RAD51B: variants seen among roughly 807,000 people sequenced by gnomAD.
RAD51B encodes the protein DNA repair protein RAD51 homolog 2.
Under a neutral mutation model 42.2 loss-of-function variants are expected in RAD51B, and 38 were observed. The ratio of observed to expected loss-of-function variants is 0.90; its 90% confidence interval spans 0.70 to 1.18. RAD51B has a LOEUF of 1.18. RAD51B is among the 50% of genes most tolerant of loss of function. The pLI is 0.00. For missense variants in RAD51B, 373 were observed against 400.7 expected (o/e 0.93, Z 0.59); for synonymous variants, 154 against 145.2 (o/e 1.06, Z -0.43).
intron 7 of RAD51B, among the ~76,000 whole-genome samples, chr14:68,267,384 A>G (rs1410457093): frequency 6.6e-6 from 1 of 152,242 alleles, no homozygotes; most frequent in East Asian, 1.9e-4. Flanking sequence ...GCAAATCTAG[A>G]AACTTACTTT....
Position 67,958,748 on chromosome 14 carries a change from A to G in RAD51B, c.756+71544A>G, listed in dbSNP as rs551159552. Among the ~76,000 whole-genome samples the G allele has an allele frequency of 2.0e-5, 3 of 152,318 alleles. No individual in the cohort carries two copies. The South Asian group carries it at 6.2e-4, about 32-fold the overall frequency. On this transcript the variant is annotated intron_variant, in intron 7 of 10. Coordinates refer to ENST00000471583, the MANE Select transcript of RAD51B (RefSeq NM_133510.4). Reference sequence around the variant, plus strand: ...GATGCCCTAGCTCTAAACAAATTTTACTATTGTATCCTACCTGTAAAATAT... The same window carrying G: ...GATGCCCTAGCTCTAAACAAATTTTGCTATTGTATCCTACCTGTAAAATAT...
intron 10 of RAD51B, among the ~76,000 whole-genome samples, chr14:68,573,516 C>T (rs1032583169): frequency 1.3e-5 from 2 of 152,184 alleles, no homozygotes; most frequent in African/African-American, 2.4e-5. Flanking sequence ...ACATCCCTAC[C>T]CAAAGTCTTC....
intron 11 of RAD51B, among the ~76,000 whole-genome samples, chr14:68,657,855 C>T (rs1232297509): frequency 6.6e-6 from 1 of 152,216 alleles, no homozygotes; most frequent in East Asian, 1.9e-4. Flanking sequence ...GCCTGGTGGA[C>T]CCAGGCTGGA....
intron 8 of RAD51B, among the ~76,000 whole-genome samples, chr14:68,359,593 G>GC (rs1235815305): frequency 6.6e-6 from 1 of 152,212 alleles, no homozygotes; most frequent in African/African-American, 2.4e-5. Flanking sequence ...ATTAAGCAGG[G>GC]CCCACAGTTC....
At chr14:68,118,948 G>A (rs182619629) in intron 7 of RAD51B, among the ~76,000 whole-genome samples, 18 of 151,898 alleles carry the variant, frequency 1.2e-4, no homozygotes, top group African/African-American at 4.1e-4. Flanking sequence ...CAGGGGAACC[G>A]CCAAACAAGT....
chr14:67,966,361 T>C (rs962834465), intron 7 of RAD51B, among the ~76,000 whole-genome samples: 2 of 152,246 alleles, frequency 1.3e-5, no homozygotes, highest in Non-Finnish European at 2.9e-5. Flanking sequence ...TTTCATGCTC[T>C]GCCTAGTCAT....
intron 7 of RAD51B, among the ~76,000 whole-genome samples, chr14:68,241,290 C>A (rs1477003710): frequency 6.6e-6 from 1 of 152,216 alleles, no homozygotes; most frequent in Non-Finnish European, 1.5e-5. Context: ...CGCCTGTAAT[C>A]CCAGCACTTC....
At chr14:68,337,902 G>A (rs940891323) in intron 8 of RAD51B, among the ~76,000 whole-genome samples, 1 of 152,052 alleles carries the variant, frequency 6.6e-6, no homozygotes, top group African/African-American at 2.4e-5. Context: ...CTCCTTAGTA[G>A]CTGGGACTAC....
chr14:68,166,065 T>C (rs984931822), intron 7 of RAD51B, among the ~76,000 whole-genome samples: 10 of 152,134 alleles, frequency 6.6e-5, no homozygotes, highest in Admixed American at 6.6e-4. Context: ...ATGATGGTGA[T>C]GATAGTATAG....
At chr14:68,371,047 A>G (rs1214007384) in intron 8 of RAD51B, among the ~76,000 whole-genome samples, 1 of 134,848 alleles carries the variant, frequency 7.4e-6, no homozygotes, top group Non-Finnish European at 1.6e-5. Context: ...AAAAAAAAAA[A>G]AAAAAAAAGA....
chr14:68,550,011 T>C (rs1461719380), intron 10 of RAD51B, among the ~76,000 whole-genome samples: 1 of 152,160 alleles, frequency 6.6e-6, no homozygotes. Flanking sequence ...GCGTAGATTG[T>C]CCTGCTACAG....
intron 7 of RAD51B, among the ~76,000 whole-genome samples, chr14:68,178,613 C>T (rs564842674): frequency 9.7e-4 from 147 of 152,256 alleles, no homozygotes; most frequent in Non-Finnish European, 1.8e-3. Context: ...TCTCTTATCC[C>T]TTTAAGTCCA....
At chr14:68,153,009 G>A (rs2078423042) in intron 7 of RAD51B, among the ~76,000 whole-genome samples, 1 of 152,058 alleles carries the variant, frequency 6.6e-6, no homozygotes, top group South Asian at 2.1e-4. Flanking sequence ...CCATTTATGG[G>A]CATTTAGGTT....
At chr14:68,091,220 A>C (rs542010785) in intron 7 of RAD51B, among the ~76,000 whole-genome samples, 1 of 152,262 alleles carries the variant, frequency 6.6e-6, no homozygotes, top group Admixed American at 6.5e-5. Context: ...TATACCCAGT[A>C]ATGGGATGGC....
chr14:68,668,111 A>G (rs73278109), intron 11 of RAD51B, among the ~76,000 whole-genome samples: 2,693 of 152,296 alleles, frequency 0.018, 63 homozygotes, highest in African/African-American at 0.048. Context: ...ATCTGCTTCA[A>G]TGAATACCCA....
intron 7 of RAD51B, among the ~76,000 whole-genome samples, chr14:68,106,714 T>G (rs1566649930): frequency 6.6e-6 from 1 of 151,910 alleles, no homozygotes; most frequent in Non-Finnish European, 1.5e-5. Flanking sequence ...AATAATCTCA[T>G]AGTGATGATG....
chr14:67,865,577 C>T (rs868571546), intron 5 of RAD51B, among the ~76,000 whole-genome samples: 22 of 114,202 alleles, frequency 1.9e-4, no homozygotes, highest in East Asian at 1.0e-3. Context: ...CTCTCTCTGT[C>T]GCCCAGGTTG....
chr14:67,867,720 T>C (rs762563386), intron 5 of RAD51B, among the ~76,000 whole-genome samples: 1 of 152,170 alleles, frequency 6.6e-6, no homozygotes, highest in Non-Finnish European at 1.5e-5. Context: ...AAATGGATAT[T>C]GGATTGGTAA....
chr14:68,413,936 G>T lies in RAD51B; in HGVS notation c.957+2409G>T, dbSNP rs530925745. ...CAGGTATAGTTTTTTGTTTTTTAGG[G>T]TTTTTTTTCCAATGCCCAAGCAGAG... On this transcript the variant is annotated intron_variant, in intron 9 of 10. Transcript: ENST00000471583. 4.4e-4 allele frequency among the ~76,000 whole-genome samples: 67 copies of T among 151,300 alleles called. 3 individuals are homozygous for T. Among genetic ancestry groups the T allele is most frequent in the African/African-American group, 1.6e-3 (64 of 41,148 alleles).
Sources: gnomAD v4.1 joint callset for allele counts (sites outside exome capture counted in the v4.1 genomes callset) on GRCh38, gnomAD v4.1.1 for gene constraint, MANE v1.5 for transcripts, NCBI Gene and HGNC (gene_info 2026-07-23, HGNC 2026-07-21) for gene names.